The following SGCZ variants were observed in gnomAD, a reference collection of about 807,000 sequenced individuals.
SGCZ encodes the protein sarcoglycan zeta.
SGCZ carries 40 observed loss-of-function variants against 41.3 expected under a neutral mutation model. The ratio of observed to expected loss-of-function variants is 0.97; its 90% CI spans 0.75 to 1.26. The LOEUF is 1.26. SGCZ is among the 50% of genes most tolerant of loss of function. The pLI, the probability that SGCZ is intolerant of heterozygous loss-of-function variation, is 0.00. For missense variants in SGCZ, 552 were observed against 369.8 expected (o/e 1.49, Z -4.04); for synonymous variants, 206 against 137.5 (o/e 1.50, Z -3.49).
chr8:15,043,172 T>A (rs909369841), intron 1 of SGCZ, among the ~76,000 whole-genome samples: 1 of 152,216 alleles, frequency 6.6e-6, no homozygotes, highest in African/African-American at 2.4e-5. Context: ...GGATGTTGTT[T>A]GATTTCATTT....
intron 1 of SGCZ, among the ~76,000 whole-genome samples, chr8:14,624,913 G>A (rs936094457): frequency 6.6e-6 from 1 of 151,662 alleles, no homozygotes; most frequent in Non-Finnish European, 1.5e-5. Flanking sequence ...TAAAAGTGAG[G>A]GTACACAAAA....
intron 1 of SGCZ, among the ~76,000 whole-genome samples, chr8:14,625,266 T>G (rs1345967957): frequency 6.6e-6 from 1 of 152,202 alleles, no homozygotes; most frequent in Non-Finnish European, 1.5e-5. Context: ...TTTTGAAATC[T>G]TTATAACTGA....
chr8:14,568,210 A>G (rs548951842), intron 1 of SGCZ, among the ~76,000 whole-genome samples: 2 of 152,082 alleles, frequency 1.3e-5, no homozygotes, highest in African/African-American at 4.8e-5. Context: ...AGGGAGGGGA[A>G]CATCACACAC....
At chr8:14,849,943 C>A (rs1242681345) in intron 1 of SGCZ, among the ~76,000 whole-genome samples, 7 of 152,078 alleles carry the variant, frequency 4.6e-5, no homozygotes, top group Admixed American at 4.6e-4. Context: ...CACCTTAATA[C>A]AGAAAGTTAA....
rs536430044 is a variant in SGCZ at position 15,120,556 on chromosome 8, G to A, written c.39+117029C>T. Among the ~76,000 whole-genome samples, 13 of 152,100 alleles carry A rather than the reference G, an allele frequency of 8.5e-5. No individual in the cohort carries two copies. The East Asian group carries it at 1.7e-3, about 20-fold the overall frequency. ...ATCTTTTATTTTCAATTTACCAGAC[G>A]TTACAGTCCCTACAGTGATAATGTT... On this transcript the variant is annotated intron_variant, in intron 1 of 7. Transcript: ENST00000382080.
chr8:14,765,357 A>C (rs1405791800), intron 1 of SGCZ, among the ~76,000 whole-genome samples: 1 of 152,242 alleles, frequency 6.6e-6, no homozygotes, highest in Non-Finnish European at 1.5e-5. Context: ...TCAAGGGGTC[A>C]GCTTAAGTTA....
At chr8:14,461,107 T>A (rs35792595) in intron 2 of SGCZ, among the ~76,000 whole-genome samples, 31,945 of 151,984 alleles carry the variant, frequency 0.21, 4,072 homozygotes, top group Non-Finnish European at 0.29. Context: ...CAGAATGCTA[T>A]CCTCATCCAA....
At chr8:14,942,177 A>G (rs1023253881) in intron 1 of SGCZ, among the ~76,000 whole-genome samples, 2 of 152,060 alleles carry the variant, frequency 1.3e-5, no homozygotes, top group Admixed American at 6.6e-5. Flanking sequence ...AGAGTATATA[A>G]ACCTAACTCA....
chr8:14,587,242 A>C (rs1213530485), intron 1 of SGCZ, among the ~76,000 whole-genome samples: 1 of 152,048 alleles, frequency 6.6e-6, no homozygotes, highest in South Asian at 2.1e-4. Flanking sequence ...CTTCTACTAT[A>C]TCTTAGTAGA....
intron 1 of SGCZ, among the ~76,000 whole-genome samples, chr8:14,559,706 T>A (rs886197013): frequency 6.6e-6 from 1 of 152,158 alleles, no homozygotes; most frequent in Admixed American, 6.6e-5. Context: ...CATTGAGGCA[T>A]GTTATGCTTC....
chr8:14,624,463 C>G (rs1273910995), intron 1 of SGCZ, among the ~76,000 whole-genome samples: 1 of 149,868 alleles, frequency 6.7e-6, no homozygotes, highest in Non-Finnish European at 1.5e-5. Context: ...GCAGTATATA[C>G]CAAGAAGCGC....
chr8:14,577,045 G>T (rs575140665), intron 1 of SGCZ, among the ~76,000 whole-genome samples: 1 of 152,112 alleles, frequency 6.6e-6, no homozygotes, highest in African/African-American at 2.4e-5. Context: ...TACATTTCTT[G>T]ACTAAGATCT....
intron 5 of SGCZ, among the ~76,000 whole-genome samples, chr8:14,137,979 C>A (rs1803253267): frequency 2.0e-5 from 3 of 152,204 alleles, no homozygotes; most frequent in Admixed American, 2.0e-4. Context: ...AACAGCAGAC[C>A]TCTCAGCAGA....
At chr8:15,094,494 T>C (rs575896398) in intron 1 of SGCZ, among the ~76,000 whole-genome samples, 1 of 152,096 alleles carries the variant, frequency 6.6e-6, no homozygotes, top group South Asian at 2.1e-4. Context: ...GGGAATTCAG[T>C]GACAGAAAAG....
intron 1 of SGCZ, among the ~76,000 whole-genome samples, chr8:14,973,429 G>A (rs1037009342): frequency 3.7e-4 from 56 of 152,114 alleles, no homozygotes; most frequent in Admixed American, 2.2e-3. Flanking sequence ...TCTCACTACA[G>A]CACTTGAATG....
At position 14,591,913 on chromosome 8, in the gene SGCZ, C is replaced by T. The variant is rs546169083; in HGVS notation, c.40-36987G>A. Among the ~76,000 whole-genome samples, 37 of 152,234 alleles carry T rather than the reference C, an allele frequency of 2.4e-4. 2 individuals carry two copies. The South Asian group carries it at 7.7e-3, about 32-fold the overall frequency. ...TACAATTAGATTACTACAGGGACTTCATTACAGCCACAGGGAGGACAGCAG... is the reference window on the plus strand; with the variant it reads ...TACAATTAGATTACTACAGGGACTTTATTACAGCCACAGGGAGGACAGCAG... On this transcript the variant is annotated intron_variant, in intron 1 of 7. Transcript: ENST00000382080.
intron 2 of SGCZ, among the ~76,000 whole-genome samples, chr8:14,493,189 G>C (rs1801891467): frequency 6.6e-6 from 1 of 151,830 alleles, no homozygotes; most frequent in Non-Finnish European, 1.5e-5. Context: ...CCAAAATAGT[G>C]TTCAAGCAGT....
chr8:14,130,199 G>C (rs1458336779), intron 5 of SGCZ, among the ~76,000 whole-genome samples: 1 of 151,930 alleles, frequency 6.6e-6, no homozygotes, highest in Non-Finnish European at 1.5e-5. Context: ...TGATTTTTAA[G>C]AGTGCTAAGT....
At chr8:14,782,393 T>C (rs1800618774) in intron 1 of SGCZ, among the ~76,000 whole-genome samples, 1 of 152,222 alleles carries the variant, frequency 6.6e-6, no homozygotes, top group South Asian at 2.1e-4. Flanking sequence ...TGTTTTGTCT[T>C]GTTTTGTTTT....
Sources: allele counts gnomAD v4.1 joint callset (sites outside exome capture counted in the v4.1 genomes callset), GRCh38; gene constraint gnomAD v4.1.1; transcripts MANE v1.5; gene names NCBI Gene and HGNC (gene_info 2026-07-23, HGNC 2026-07-21).